The following TRIM37 variants were observed in gnomAD, a reference collection of about 807,000 sequenced individuals.
TRIM37 encodes E3 ubiquitin-protein ligase TRIM37.
Under a neutral mutation model 129.8 loss-of-function variants are expected in TRIM37, and 80 were observed. The observed-to-expected ratio is 0.62, with a 90% confidence interval of 0.51 to 0.74. The LOEUF is 0.74. TRIM37 is among the 30% of genes least tolerant of loss of function. The probability of loss-of-function intolerance (pLI) is 0.00; values close to 1 mark genes in which losing one functional copy is unlikely to be tolerated. For synonymous variants in TRIM37, 389 were observed against 387.1 expected, an observed-to-expected ratio of 1.00 and a Z score of -0.06; for missense variants, 1,054 against 1,176.5, an observed-to-expected ratio of 0.90 and a Z score of 1.52.
intron 2 of TRIM37, among the ~76,000 whole-genome samples, chr17:59,099,228 T>C (rs1568256671): frequency 3.3e-5 from 5 of 151,904 alleles, no homozygotes; most frequent in African/African-American, 9.7e-5. Context: ...AAGTGGTATA[T>C]AGCCATGTGT....
chr17:59,094,878 T>C (rs1050993717), intron 2 of TRIM37, among the ~76,000 whole-genome samples: 1 of 152,050 alleles, frequency 6.6e-6, no homozygotes, highest in Non-Finnish European at 1.5e-5. Context: ...AGGCCAGGAC[T>C]GAAAAGATAA....
downstream of TRIM37, chr17:58,980,761 A>AAACTAGTTCTAG: frequency 6.2e-7 from 1 of 1,614,094 alleles, no homozygotes; most frequent in African/African-American, 1.3e-5. The surrounding 1 kb of genome is among the most constrained non-coding windows in gnomAD (Gnocchi z 4.7). Flanking sequence ...GAGTTTCTAG[A>AAACTAGTTCTAG]TTGTCTCATT....
chr17:59,100,736 C>A (rs1009747570), intron 2 of TRIM37, among the ~76,000 whole-genome samples: 1 of 152,092 alleles, frequency 6.6e-6, no homozygotes, highest in Non-Finnish European at 1.5e-5. Flanking sequence ...CAAAACTGTA[C>A]ACTTGGCCAG....
chr17:58,977,440 C>CAAA, the TRIM37 span, among the ~76,000 whole-genome samples: 516 of 62,096 alleles, frequency 8.3e-3, 1 homozygote, highest in African/African-American at 0.029. Context: ...GACTCTGTCT[C>CAAA]AAAAAAAAAA....
chr17:59,073,979 T>TTACC (rs2042599015), intron 8 of TRIM37, among the ~76,000 whole-genome samples: 1 of 152,244 alleles, frequency 6.6e-6, no homozygotes, highest in Admixed American at 6.5e-5. Flanking sequence ...GAATAATGAA[T>TTACC]GGTATGGTAT....
At chr17:59,062,293 G>A (rs1478639816) in intron 11 of TRIM37, among the ~76,000 whole-genome samples, 1 of 152,088 alleles carries the variant, frequency 6.6e-6, no homozygotes, top group Non-Finnish European at 1.5e-5. Context: ...AGCAATACTA[G>A]CCTTAGAATA....
intron 23 of TRIM37, 144 bp downstream of exon 23, chr17:59,001,454 T>TAAA (rs372784759): frequency 3.9e-5 from 30 of 777,782 alleles, no homozygotes; most frequent in Non-Finnish European, 4.7e-5. Flanking sequence ...TGACAATAAT[T>TAAA]AAAAAAAAAA....
chr17:59,033,863 A>C (rs1014282471), intron 17 of TRIM37, among the ~76,000 whole-genome samples: 7 of 151,762 alleles, frequency 4.6e-5, no homozygotes, highest in Non-Finnish European at 8.8e-5. Flanking sequence ...CACGCCTGTT[A>C]TCCCAGCACT....
At chr17:59,047,918 G>T in intron 15 of TRIM37, 99 bp from the exon 16 acceptor site, 1 of 1,459,584 alleles carries the variant, frequency 6.9e-7, no homozygotes, top group Non-Finnish European at 9.5e-7. Context: ...GAATAATACA[G>T]TTTTCAAAAA....
At position 58,999,456 on chromosome 17, in the gene TRIM37, G is replaced by A. The variant is rs1213033682; in HGVS notation, c.2816C>T (p.Thr939Ile). The change falls in exon 24 of 24, where the codon ACA (threonine) becomes ATA (isoleucine). Residue 939 changes from threonine to isoleucine, a missense_variant. Physicochemically the swap from Thr to Ile is moderately conservative, Grantham distance 89. This residue lies in a region of TRIM37 where 287 missense variants were observed against 274.3 expected (regional missense o/e 1.05). Coordinates refer to ENST00000262294, the MANE Select transcript of TRIM37 (RefSeq NM_015294.6). ...MVMTQPPDED[T>I]HSSFPDGEQI... The stretch of plus-strand genomic sequence containing the variant: ...TTCACCATCAGGAAAACTGGAATGT[G>A]TATCTATGATTAAAAAATAAATAAA... The A allele has an allele frequency of 4.4e-6, 7 of 1,607,222 alleles. No homozygotes were observed. The highest frequency in any genetic ancestry group is 1.3e-5 in the African/African-American group (1 of 74,658).
intron 22 of TRIM37, among the ~76,000 whole-genome samples, chr17:59,002,681 C>T (rs1326999589): frequency 2.6e-5 from 4 of 152,026 alleles, no homozygotes; most frequent in African/African-American, 7.3e-5. Flanking sequence ...TTTTAATGAA[C>T]AAGCACATTA....
At chr17:59,084,412 G>A (rs1002540902) in intron 4 of TRIM37, among the ~76,000 whole-genome samples, 1 of 152,116 alleles carries the variant, frequency 6.6e-6, no homozygotes, top group African/African-American at 2.4e-5. Context: ...TTTTGGGCAT[G>A]TGCTTAATAA....
intron 21 of TRIM37, 45 bp downstream of exon 21, chr17:59,015,565 C>G: frequency 1.3e-6 from 2 of 1,582,226 alleles, no homozygotes; most frequent in Non-Finnish European, 1.7e-6. Context: ...CCAAACAAAG[C>G]TATTAGCTAT....
In TRIM37 at chr17:59,056,931, C is replaced by T; in HGVS notation, c.1143G>A (p.Leu381=). 6.2e-7 allele frequency: 1 copy of T among 1,613,612 alleles called. No individual in the cohort carries two copies. Among genetic ancestry groups the T allele is most frequent in the Non-Finnish European group, 8.5e-7 (1 of 1,179,872 alleles). The change falls in exon 13 of 24, where the codon TTG becomes TTA. Residue 381 remains leucine (L), a synonymous_variant. Coordinates refer to ENST00000262294, the MANE Select transcript of TRIM37 (RefSeq NM_015294.6). ...ECWGYNRFFR[L]DLLANEGYLN... Reference sequence around the variant, plus strand: ...AGTATCCTTCATTTGCGAGTAAGTCCAAACGGAAAAATCTATTATAGCCCC... The same window carrying T: ...AGTATCCTTCATTTGCGAGTAAGTCTAAACGGAAAAATCTATTATAGCCCC...
intron 14 of TRIM37, 46 bp downstream of exon 14, chr17:59,051,167 CA>C: frequency 8.2e-7 from 1 of 1,221,028 alleles, no homozygotes; most frequent in South Asian, 1.3e-5. Context: ...TATAACAAGC[CA>C]AAAGGACAAT....
At chr17:59,056,753 T>TAAGGTTATA in intron 13 of TRIM37, 122 bp downstream of exon 13, 1 of 153,080 alleles carries the variant, frequency 6.5e-6, no homozygotes, top group East Asian at 1.9e-4. Flanking sequence ...AAAAAGGTGA[T>TAAGGTTATA]AAGGTTATAG....
intron 20 of TRIM37, 68 bp downstream of exon 20, chr17:59,017,228 G>A (rs769763559): frequency 3.7e-5 from 59 of 1,580,874 alleles, no homozygotes; most frequent in South Asian, 3.0e-4. Context: ...AAAGCTCCAC[G>A]ATAACATCAA....
intron 24 of TRIM37, among the ~76,000 whole-genome samples, chr17:58,990,904 G>A (rs2032325729): frequency 6.6e-6 from 1 of 151,830 alleles, no homozygotes; most frequent in Non-Finnish European, 1.5e-5. Flanking sequence ...GCCAGGCACG[G>A]TGGCTCACGG....
chr17:59,047,605 CATTT>C, intron 16 of TRIM37, 74 bp downstream of exon 16: 1 of 1,432,648 alleles, frequency 7.0e-7, no homozygotes, highest in Non-Finnish European at 9.6e-7. Flanking sequence ...AATATCCCTA[CATTT>C]AAGTGTGAGT....
Sources: gnomAD v4.1 joint callset for allele counts (sites outside exome capture counted in the v4.1 genomes callset) on GRCh38, gnomAD v4.1.1 for gene constraint, gnomAD v4.1.1 regional missense constraint, Gnocchi (gnomAD v3.1) non-coding constraint, MANE v1.5 for transcripts, NCBI Gene and HGNC (gene_info 2026-07-23, HGNC 2026-07-21) for gene names.